ZPBP: variants seen among roughly 807,000 people sequenced by gnomAD.
ZPBP encodes zona pellucida binding protein, also known as zona pellucida-binding protein 1.
Under a neutral mutation model 44.8 loss-of-function variants are expected in ZPBP, and 26 were observed. The observed-to-expected ratio is 0.58, with a 90% confidence interval of 0.43 to 0.81. The LOEUF (loss-of-function observed/expected upper bound fraction) is 0.81. Among genes scored for constraint, ZPBP ranks in the 30% least tolerant of loss-of-function variants. The pLI, the probability that ZPBP is intolerant of heterozygous loss-of-function variation, is 0.00. For synonymous variants in ZPBP, 174 were observed against 153.2 expected (o/e 1.14, Z -1.00); for missense variants, 409 against 434.0 (o/e 0.94, Z 0.51).
chr7:50,052,379 G>A (rs372652845), intron 4 of ZPBP, among the ~76,000 whole-genome samples: 26 of 152,064 alleles, frequency 1.7e-4, no homozygotes, highest in East Asian at 1.5e-3. Context: ...TTATAGAAAT[G>A]CAAATTAAAA....
At chr7:49,962,367 T>C (rs1795893995) in intron 7 of ZPBP, among the ~76,000 whole-genome samples, 1 of 151,876 alleles carries the variant, frequency 6.6e-6, no homozygotes, top group African/African-American at 2.4e-5. Flanking sequence ...CAATGCATCA[T>C]AAAAACATAA....
At chr7:49,951,330 T>G (rs546440554) in intron 7 of ZPBP, among the ~76,000 whole-genome samples, 1 of 151,620 alleles carries the variant, frequency 6.6e-6, no homozygotes, top group Non-Finnish European at 1.5e-5. Flanking sequence ...ATCTAATATA[T>G]AGACTATCTA....
At chr7:49,971,867 C>A (rs185029556) in intron 7 of ZPBP, among the ~76,000 whole-genome samples, 1 of 151,642 alleles carries the variant, frequency 6.6e-6, no homozygotes, top group Non-Finnish European at 1.5e-5. Flanking sequence ...AAACAAAATT[C>A]AATAACATAC....
intron 6 of ZPBP, among the ~76,000 whole-genome samples, chr7:50,013,960 C>T (rs1475099493): frequency 6.6e-6 from 1 of 151,936 alleles, no homozygotes; most frequent in Non-Finnish European, 1.5e-5. Context: ...ATATATTATC[C>T]TATCATCCTT....
At chr7:49,898,148 T>C (rs1298921793) in intron 2 of ZPBP, among the ~76,000 whole-genome samples, 1 of 152,090 alleles carries the variant, frequency 6.6e-6, no homozygotes, top group Non-Finnish European at 1.5e-5. Flanking sequence ...TGTGTGTGTA[T>C]ATATATGTGT....
chr7:50,025,987 T>C (rs1799306677), intron 5 of ZPBP, among the ~76,000 whole-genome samples: 1 of 151,776 alleles, frequency 6.6e-6, no homozygotes, highest in Admixed American at 6.6e-5. Context: ...GAGATTCACC[T>C]TAGGTGCAAA....
chr7:49,975,721 C>A (rs1796482809), intron 7 of ZPBP, among the ~76,000 whole-genome samples: 1 of 152,142 alleles, frequency 6.6e-6, no homozygotes, highest in African/African-American at 2.4e-5. Flanking sequence ...TCCAGGATGT[C>A]CTGGCATCCT....
At chr7:49,855,532 C>T (rs73330437) in intron 2 of ZPBP, among the ~76,000 whole-genome samples, 5 of 152,046 alleles carry the variant, frequency 3.3e-5, no homozygotes, top group Non-Finnish European at 5.9e-5. Context: ...GAAGGCTCAG[C>T]GAGGACAGGT....
intron 2 of ZPBP, among the ~76,000 whole-genome samples, chr7:49,878,554 C>T (rs1229750114): frequency 6.6e-6 from 1 of 152,134 alleles, no homozygotes; most frequent in Admixed American, 6.6e-5. Flanking sequence ...ACTCCCAGCT[C>T]TCAACGCTCG....
At chr7:49,875,369 CAAAAAAAAAAAAAAAAAA>C (rs71018432) in intron 2 of ZPBP, among the ~76,000 whole-genome samples, 3 of 19,016 alleles carry the variant, frequency 1.6e-4, no homozygotes, top group African/African-American at 2.2e-4. Flanking sequence ...GATTCTGACT[CAAAAAAAAAAAAAAAAAA>C]AAAAAAAAAA....
At chr7:49,899,430 CTG>C (rs1163550299) in intron 2 of ZPBP, among the ~76,000 whole-genome samples, 2 of 151,952 alleles carry the variant, frequency 1.3e-5, no homozygotes, top group East Asian at 3.8e-4. Context: ...GAAAGCAAAA[CTG>C]TGGATAAAAA....
intron 7 of ZPBP, among the ~76,000 whole-genome samples, chr7:49,952,079 C>T (rs1012139108): frequency 2.6e-5 from 4 of 151,756 alleles, no homozygotes; most frequent in South Asian, 2.1e-4. Context: ...ATGAATGAGG[C>T]GTAACTTTTT....
intron 5 of ZPBP, among the ~76,000 whole-genome samples, chr7:50,018,616 T>G (rs529161932): frequency 6.6e-6 from 1 of 152,152 alleles, no homozygotes; most frequent in South Asian, 2.1e-4. Context: ...AACATACATA[T>G]GTATATGTAT....
intron 7 of ZPBP, among the ~76,000 whole-genome samples, chr7:49,963,116 T>G (rs1018554316): frequency 1.3e-5 from 2 of 151,580 alleles, no homozygotes; most frequent in African/African-American, 2.4e-5. Context: ...AAAAGATATA[T>G]CATTAGTTAT....
intron 1 of ZPBP, among the ~76,000 whole-genome samples, chr7:50,090,605 GTATA>G (rs71018450): frequency 1.1e-3 from 161 of 150,556 alleles, no homozygotes; most frequent in African/African-American, 3.6e-3. Context: ...GTATATATGC[GTATA>G]TATGTGTATA....
At chr7:49,852,600 AGTGATGTTT>A (rs1562732044) in intron 2 of ZPBP, among the ~76,000 whole-genome samples, 1 of 151,798 alleles carries the variant, frequency 6.6e-6, no homozygotes, top group African/African-American at 2.4e-5. Flanking sequence ...CTTTTTGAGA[AGTGATGTTT>A]GTGAGGAGTG....
chr7:49,935,910 G>GT (rs1436587144), downstream of ZPBP: 2 of 152,242 alleles, frequency 1.3e-5, no homozygotes, highest in African/African-American at 4.8e-5. Flanking sequence ...TAGCATGTGC[G>GT]TAACAACTCT....
chr7:49,927,452 C>T lies in ZPBP; in HGVS notation n.411+8299G>A, dbSNP rs141021473. On this transcript the variant is annotated intron_variant and non_coding_transcript_variant, in intron 1 of 2. Coordinates refer to the ZPBP transcript ENST00000465922. ...ACACCCCTCCAACCCACACACAATT[C>T]TGAGACCCATGAATCTTAATCATGG... Among the ~76,000 whole-genome samples, 474 of 152,272 alleles carry T rather than the reference C, an allele frequency of 3.1e-3. 1 individual carries two copies. The highest frequency in any genetic ancestry group is 0.011 in the African/African-American group (440 of 41,548).
At chr7:49,925,655 A>G (rs1794208666) in intron 1 of ZPBP, among the ~76,000 whole-genome samples, 1 of 152,192 alleles carries the variant, frequency 6.6e-6, no homozygotes, top group African/African-American at 2.4e-5. Context: ...AAAAGTCTTC[A>G]CACTTTGCAC....
Sources: allele counts gnomAD v4.1 joint callset (sites outside exome capture counted in the v4.1 genomes callset), GRCh38; gene constraint gnomAD v4.1.1; transcripts MANE v1.5; gene names NCBI Gene and HGNC (gene_info 2026-07-23, HGNC 2026-07-21).